PCCA: variants seen among roughly 807,000 people sequenced by gnomAD.
The protein encoded by PCCA is propionyl-CoA carboxylase alpha chain, mitochondrial.
In PCCA, 74 loss-of-function variants were observed where a neutral mutation model predicts 101.3. The ratio of observed to expected loss-of-function variants is 0.73; its 90% CI spans 0.61 to 0.89. The LOEUF is 0.89. PCCA is among the 40% of genes least tolerant of loss of function. The pLI, the probability that PCCA is intolerant of heterozygous loss-of-function variation, is 0.00. For missense variants in PCCA, 891 were observed against 907.0 expected, an observed-to-expected ratio of 0.98 and a Z score of 0.23; for synonymous variants, 294 against 313.6, an observed-to-expected ratio of 0.94 and a Z score of 0.66.
chr13:100,527,256 G>A, intron 22 of PCCA: 1 of 471,558 alleles, frequency 2.1e-6, no homozygotes, highest in South Asian at 1.6e-5. Flanking sequence ...AAGAAACCCT[G>A]TACCCTTCAG....
intron 21 of PCCA, among the ~76,000 whole-genome samples, chr13:100,512,522 C>T (rs1414773540): frequency 6.6e-6 from 1 of 152,186 alleles, no homozygotes; most frequent in Admixed American, 6.5e-5. Flanking sequence ...GAACACCTTC[C>T]TAAGCCAGCG....
chr13:100,523,311 C>A lies in PCCA; in HGVS notation c.2041-4364C>A, dbSNP rs143344308. On this transcript the variant is annotated intron_variant, in intron 22 of 23. Coordinates refer to ENST00000376285, the MANE Select transcript of PCCA (RefSeq NM_000282.4). Reference sequence around the variant, plus strand: ...AGATAAAAGTCTCTGGGGAAAGAGTCCTCTGAAAATAAATGGAACTTGATA... The same window carrying A: ...AGATAAAAGTCTCTGGGGAAAGAGTACTCTGAAAATAAATGGAACTTGATA... Among the ~76,000 whole-genome samples the A allele has an allele frequency of 8.0e-3, 1,214 of 152,030 alleles. 15 individuals are homozygous for A. The highest frequency in any genetic ancestry group is 0.027 in the African/African-American group (1,104 of 41,460).
intron 6 of PCCA, among the ~76,000 whole-genome samples, chr13:100,164,795 T>C (rs143124399): frequency 1.5e-3 from 234 of 152,310 alleles, no homozygotes; most frequent in African/African-American, 5.4e-3. Context: ...GCTCCAGAAC[T>C]TTATAATCAC....
chr13:100,319,518 T>C (rs1377210855), intron 16 of PCCA, among the ~76,000 whole-genome samples: 1 of 152,124 alleles, frequency 6.6e-6, no homozygotes, highest in Non-Finnish European at 1.5e-5. Flanking sequence ...TTGTATAAGG[T>C]GTAAGGAAGG....
chr13:100,508,220 T>C lies in PCCA; in HGVS notation c.1900-7207T>C, dbSNP rs185899558. On this transcript the variant is annotated intron_variant, in intron 21 of 23. Transcript: ENST00000376285. The stretch of plus-strand genomic sequence containing the variant: ...TTAGCCTTAAGATGGTTCTTTTCTC[T>C]AAGGAAACCCTCCCCATTTTTGCAG... Among the ~76,000 whole-genome samples, 465 of 152,324 alleles carry C rather than the reference T, an allele frequency of 3.1e-3. 1 individual carries two copies. The highest frequency in any genetic ancestry group is 0.01 in the African/African-American group (433 of 41,576).
chr13:100,366,454 A>G (rs1166578222), intron 18 of PCCA, among the ~76,000 whole-genome samples: 2 of 152,150 alleles, frequency 1.3e-5, no homozygotes, highest in Non-Finnish European at 2.9e-5. Context: ...AGCTGGAGAT[A>G]CAAAAATAAG....
intron 16 of PCCA, among the ~76,000 whole-genome samples, chr13:100,324,173 T>C (rs2152722354): frequency 6.6e-6 from 1 of 152,342 alleles, no homozygotes; most frequent in East Asian, 1.9e-4. Context: ...AATTTCTGCC[T>C]TCCCTGGATG....
At chr13:100,421,644 T>TAGG (rs1376232309) in intron 19 of PCCA, among the ~76,000 whole-genome samples, 1 of 152,090 alleles carries the variant, frequency 6.6e-6, no homozygotes, top group Non-Finnish European at 1.5e-5. Flanking sequence ...TTTGAGAAAT[T>TAGG]AGACTGACCT....
At chr13:100,123,797 G>T (rs1327883035) in intron 4 of PCCA, among the ~76,000 whole-genome samples, 2 of 152,176 alleles carry the variant, frequency 1.3e-5, no homozygotes, top group Admixed American at 6.5e-5. Flanking sequence ...GCAGTGGGAT[G>T]ATGTGGGAGG....
chr13:100,298,575 C>A (rs1476247161), intron 12 of PCCA, among the ~76,000 whole-genome samples: 2 of 137,548 alleles, frequency 1.5e-5, no homozygotes, highest in Non-Finnish European at 3.1e-5. Context: ...ACCTTTTGAT[C>A]AAGTTAACCA....
chr13:100,186,159 G>T (rs1316455778), intron 6 of PCCA, among the ~76,000 whole-genome samples: 2 of 152,136 alleles, frequency 1.3e-5, no homozygotes, highest in African/African-American at 4.8e-5. Flanking sequence ...CAGTGTCTTT[G>T]TGTGGCGTTA....
At chr13:100,107,861 G>T (rs2047954619) in intron 2 of PCCA, among the ~76,000 whole-genome samples, 1 of 152,192 alleles carries the variant, frequency 6.6e-6, no homozygotes, top group African/African-American at 2.4e-5. Context: ...TGTCCTAAGT[G>T]TCGGCTGCTT....
intron 19 of PCCA, among the ~76,000 whole-genome samples, chr13:100,385,946 C>T (rs568875086): frequency 6.6e-6 from 1 of 152,158 alleles, no homozygotes; most frequent in Non-Finnish European, 1.5e-5. Context: ...AGCTCTCAAA[C>T]GCTGGTGGGA....
intron 17 of PCCA, among the ~76,000 whole-genome samples, chr13:100,332,346 T>C (rs1363424245): frequency 6.6e-6 from 1 of 152,200 alleles, no homozygotes. Context: ...TAATTAAAAG[T>C]TGTAGTACGT....
At chr13:100,403,520 G>C (rs1458522947) in intron 19 of PCCA, among the ~76,000 whole-genome samples, 1 of 152,120 alleles carries the variant, frequency 6.6e-6, no homozygotes, top group Non-Finnish European at 1.5e-5. Context: ...ACAGTGAGCG[G>C]GGGTGGGGAT....
intron 22 of PCCA, among the ~76,000 whole-genome samples, chr13:100,518,970 T>C (rs780594788): frequency 6.6e-6 from 1 of 152,256 alleles, no homozygotes; most frequent in Non-Finnish European, 1.5e-5. Context: ...ATTAGACTTA[T>C]AGCTGCTGAA....
At chr13:100,415,207 C>A (rs1343059738) in intron 19 of PCCA, among the ~76,000 whole-genome samples, 1 of 148,148 alleles carries the variant, frequency 6.8e-6, no homozygotes, top group Non-Finnish European at 1.5e-5. Context: ...AGATCGAGAC[C>A]AGCCTGGGCA....
At chr13:100,160,093 G>A (rs113268894) in intron 6 of PCCA, among the ~76,000 whole-genome samples, 10 of 152,144 alleles carry the variant, frequency 6.6e-5, no homozygotes, top group African/African-American at 1.2e-4. Flanking sequence ...TGTACAATAG[G>A]CCAAATTCCC....
intron 4 of PCCA, among the ~76,000 whole-genome samples, chr13:100,151,410 G>T (rs1344015097): frequency 6.6e-6 from 1 of 152,122 alleles, no homozygotes; most frequent in Non-Finnish European, 1.5e-5. Context: ...TGACCCACAT[G>T]GAGAAACCCT....
Sources: allele counts gnomAD v4.1 joint callset (sites outside exome capture counted in the v4.1 genomes callset), GRCh38; gene constraint gnomAD v4.1.1; transcripts MANE v1.5; gene names NCBI Gene and HGNC (gene_info 2026-07-23, HGNC 2026-07-21).